The following GRIK1 variants were observed in gnomAD, a reference collection of about 807,000 sequenced individuals.
GRIK1 encodes the protein glutamate ionotropic receptor kainate type subunit 1, also known as glutamate receptor ionotropic, kainate 1.
GRIK1 carries 69 observed loss-of-function variants against 105.7 expected under a neutral mutation model. The observed-to-expected ratio is 0.65, with a 90% CI of 0.54 to 0.80. The LOEUF (loss-of-function observed/expected upper bound fraction) is 0.80. Ranked by LOEUF, GRIK1 falls within the 30% of genes least tolerant of loss-of-function variation. The probability of loss-of-function intolerance (pLI) is 0.00; values close to 1 mark genes in which losing one functional copy is unlikely to be tolerated. For synonymous variants in GRIK1, 438 were observed against 431.3 expected (o/e 1.02, Z -0.19); for missense variants, 1,109 against 1,167.3 (o/e 0.95, Z 0.73).
At chr21:29,764,082 G>T (rs1431345271) in intron 1 of GRIK1, 2 of 152,208 alleles carry the variant, frequency 1.3e-5, no homozygotes, top group African/African-American at 4.8e-5. Flanking sequence ...GGATAGAATG[G>T]GGGAAAACAT....
chr21:29,785,996 GTGT>G (rs1198611831), intron 1 of GRIK1, among the ~76,000 whole-genome samples: 1 of 152,126 alleles, frequency 6.6e-6, no homozygotes, highest in African/African-American at 2.4e-5. Flanking sequence ...GTGTGTTTTG[GTGT>G]TGTTGTTTTG....
intron 1 of GRIK1, among the ~76,000 whole-genome samples, chr21:29,849,868 T>G (rs1316413257): frequency 3.3e-5 from 5 of 151,300 alleles, no homozygotes; most frequent in Non-Finnish European, 7.4e-5. Flanking sequence ...GGCTTGCTGC[T>G]CTGATCTTCA....
chr21:29,810,562 C>A (rs963974653), intron 1 of GRIK1, among the ~76,000 whole-genome samples: 4 of 152,080 alleles, frequency 2.6e-5, no homozygotes, highest in African/African-American at 9.7e-5. Flanking sequence ...CTCAGCTGAT[C>A]TTGTTTTGCC....
In GRIK1 at chr21:29,892,659, A is replaced by G. The variant is rs139867936; in HGVS notation, c.118+46724T>C. Among the ~76,000 whole-genome samples the G allele has an allele frequency of 4.1e-3, 622 of 152,324 alleles. 5 individuals carry two copies. The highest frequency in any genetic ancestry group is 0.014 in the African/African-American group (593 of 41,588). On this transcript the variant is annotated intron_variant, in intron 1 of 17. Coordinates refer to ENST00000327783, the MANE Select transcript of GRIK1 (RefSeq NM_001330994.2). ...AAGAAACGCTATTGGGACAGGATCC[A>G]CAAGCTGGAGCAATGGTCTCCAGGC... is the stretch of plus-strand genomic sequence containing the variant.
chr21:29,853,261 G>C (rs372184290), intron 1 of GRIK1, among the ~76,000 whole-genome samples: 1 of 152,214 alleles, frequency 6.6e-6, no homozygotes, highest in African/African-American at 2.4e-5. Flanking sequence ...TTACATAGCA[G>C]TACAGGGGTT....
intron 1 of GRIK1, among the ~76,000 whole-genome samples, chr21:29,922,473 C>T (rs1027299417): frequency 6.6e-6 from 1 of 152,002 alleles, no homozygotes; most frequent in Non-Finnish European, 1.5e-5. Context: ...ATTAAATGTA[C>T]ATATATTTTG....
At chr21:29,783,430 A>G (rs1601685986) in intron 1 of GRIK1, among the ~76,000 whole-genome samples, 1 of 152,258 alleles carries the variant, frequency 6.6e-6, no homozygotes, top group East Asian at 1.9e-4. Context: ...TTCACTGTGC[A>G]TATACATATT....
intron 1 of GRIK1, among the ~76,000 whole-genome samples, chr21:29,909,174 T>G (rs2070735583): frequency 6.6e-6 from 1 of 152,038 alleles, no homozygotes; most frequent in Non-Finnish European, 1.5e-5. Flanking sequence ...CCACGAAATT[T>G]TTAAATCTAA....
chr21:29,752,991 C>T (rs140936610), intron 1 of GRIK1, among the ~76,000 whole-genome samples: 11 of 152,320 alleles, frequency 7.2e-5, no homozygotes, highest in Non-Finnish European at 1.6e-4. Context: ...GCTCTAGTTC[C>T]TATTTGGAGA....
intron 1 of GRIK1, among the ~76,000 whole-genome samples, chr21:29,925,114 G>A (rs2071317462): frequency 6.6e-6 from 1 of 152,226 alleles, no homozygotes; most frequent in South Asian, 2.1e-4. Flanking sequence ...GTTGTATTGA[G>A]CATTTCATAA....
intron 1 of GRIK1, among the ~76,000 whole-genome samples, chr21:29,801,513 A>G (rs2066710600): frequency 6.6e-6 from 1 of 152,098 alleles, no homozygotes; most frequent in African/African-American, 2.4e-5. Context: ...CTGGATCATC[A>G]TTTTGACTGA....
chr21:29,723,992 C>G (rs1490313483), intron 1 of GRIK1, among the ~76,000 whole-genome samples: 1 of 152,144 alleles, frequency 6.6e-6, no homozygotes, highest in Non-Finnish European at 1.5e-5. Flanking sequence ...CCAATGTAAT[C>G]AACAAGAACA....
rs140520121 is a variant in GRIK1, at chr21:29,833,492, T to C, written c.118+105891A>G. 2.5e-3 allele frequency among the ~76,000 whole-genome samples: 378 copies of C among 152,214 alleles called. 1 individual carries two copies. The highest frequency in any genetic ancestry group is 9.0e-3 in the African/African-American group (372 of 41,530). On this transcript the variant is annotated intron_variant, in intron 1 of 17. Coordinates refer to ENST00000327783, the MANE Select transcript of GRIK1 (RefSeq NM_001330994.2). Reference sequence around the variant, plus strand: ...AGTTTTGCATGCTGTAAAGGAAGCATAGCTAGAGAGGCCTCAGGAACCATA... The same window carrying C: ...AGTTTTGCATGCTGTAAAGGAAGCACAGCTAGAGAGGCCTCAGGAACCATA...
intron 13 of GRIK1, among the ~76,000 whole-genome samples, chr21:29,580,994 A>T (rs931356955): frequency 2.0e-5 from 3 of 152,156 alleles, no homozygotes; most frequent in African/African-American, 7.2e-5. Flanking sequence ...TTGCCAGAGT[A>T]GTAATTAGGT....
chr21:29,594,693 C>T (rs2243474), intron 9 of GRIK1, among the ~76,000 whole-genome samples: 75,861 of 151,976 alleles, frequency 0.5, 21,382 homozygotes, highest in African/African-American at 0.77. Context: ...AAAGGGTATT[C>T]AGAGAGCCAC....
chr21:29,597,711 TATA>T (rs1318217670), intron 8 of GRIK1: 1 of 447,302 alleles, frequency 2.2e-6, no homozygotes, highest in Admixed American at 2.6e-5. Context: ...AACCTGCATG[TATA>T]ATGTGTACTC....
intron 4 of GRIK1, among the ~76,000 whole-genome samples, chr21:29,656,354 C>CAAAAAAAAAAAAAAAAAA (rs3054331): frequency 4.9e-4 from 25 of 51,152 alleles, no homozygotes; most frequent in East Asian, 8.1e-4. Context: ...GAGCGAGACT[C>CAAAAAAAAAAAAAAAAAA]AAAAAAAAAA....
chr21:29,726,207 T>C (rs1300222242), intron 1 of GRIK1, among the ~76,000 whole-genome samples: 1 of 152,198 alleles, frequency 6.6e-6, no homozygotes, highest in Non-Finnish European at 1.5e-5. Flanking sequence ...ATTTAAGAAA[T>C]GTATTTTAGG....
At chr21:29,723,905 T>C (rs2064386366) in intron 1 of GRIK1, among the ~76,000 whole-genome samples, 1 of 152,198 alleles carries the variant, frequency 6.6e-6, no homozygotes, top group East Asian at 1.9e-4. Context: ...CTGATTTCAC[T>C]GATGTGTAAA....
Sources: gnomAD v4.1 joint callset for allele counts (sites outside exome capture counted in the v4.1 genomes callset) on GRCh38, gnomAD v4.1.1 for gene constraint, MANE v1.5 for transcripts, NCBI Gene and HGNC (gene_info 2026-07-23, HGNC 2026-07-21) for gene names.